COL6A5: variants seen among roughly 807,000 people sequenced by gnomAD.
COL6A5 encodes collagen alpha-5(VI) chain.
In COL6A5, 48 loss-of-function variants were observed where a neutral mutation model predicts 65.6. The ratio of observed to expected loss-of-function variants is 0.73; its 90% CI spans 0.58 to 0.93. The LOEUF is 0.93. Among genes scored for constraint, COL6A5 ranks in the 40% least tolerant of loss-of-function variants. The pLI is 0.00. For synonymous variants in COL6A5, 291 were observed against 322.8 expected, an observed-to-expected ratio of 0.90 and a Z score of 1.05; for missense variants, 914 against 928.3, an observed-to-expected ratio of 0.98 and a Z score of 0.20.
intron 1 of COL6A5, among the ~76,000 whole-genome samples, chr3:130,348,099 A>G (rs1934568188): frequency 1.3e-5 from 2 of 152,186 alleles, no homozygotes; most frequent in South Asian, 2.1e-4. Context: ...TCTCCAAGGA[A>G]CCATTCTTTT....
At chr3:130,460,092 A>G (rs116051979) in intron 5 of COL6A5, among the ~76,000 whole-genome samples, 484 of 152,246 alleles carry the variant, frequency 3.2e-3, no homozygotes, top group Non-Finnish European at 4.6e-3. Flanking sequence ...GGCTAAATTT[A>G]AATCTGCACT....
At chr3:130,362,252 T>TCTCTCTCTCTCTCTCTCTC (rs1935135834) in intron 1 of COL6A5, among the ~76,000 whole-genome samples, 2 of 114,352 alleles carry the variant, frequency 1.7e-5, no homozygotes, top group African/African-American at 7.1e-5. Context: ...TAAGGTTTCT[T>TCTCTCTCTCTCTCTCTCTC]TCTCTCTCTC....
intron 7 of COL6A5, among the ~76,000 whole-genome samples, chr3:130,480,270 A>G (rs1038667801): frequency 4.6e-5 from 7 of 152,038 alleles, no homozygotes; most frequent in Non-Finnish European, 8.8e-5. Flanking sequence ...CAAAATTTAA[A>G]TATATATGTT....
intron 3 of COL6A5, 51 bp downstream of exon 3, chr3:130,376,887 T>A: frequency 2.7e-6 from 4 of 1,508,064 alleles, no homozygotes; most frequent in Non-Finnish European, 3.5e-6. Flanking sequence ...TGGGTCTACA[T>A]CTGTCCACTC....
intron 5 of COL6A5, among the ~76,000 whole-genome samples, chr3:130,464,333 A>T (rs1709767270): frequency 6.6e-6 from 1 of 151,742 alleles, no homozygotes; most frequent in Non-Finnish European, 1.5e-5. Context: ...TGAGTCCACT[A>T]TGTTGCCCAG....
intron 25 of COL6A5, among the ~76,000 whole-genome samples, chr3:130,419,901 G>GA (rs1185405297): frequency 6.6e-6 from 1 of 151,836 alleles, no homozygotes. Context: ...AACAAAAAAA[G>GA]AAAAAAATAG....
intron 1 of COL6A5, among the ~76,000 whole-genome samples, chr3:130,355,589 T>TAC (rs111871748): frequency 4.4e-4 from 66 of 151,312 alleles, no homozygotes; most frequent in South Asian, 6.3e-4. Context: ...AGTAAAATTT[T>TAC]ACACACACAC....
chr3:130,347,233 G>C (rs1321343654), intron 1 of COL6A5, among the ~76,000 whole-genome samples: 1 of 152,078 alleles, frequency 6.6e-6, no homozygotes, highest in Non-Finnish European at 1.5e-5. Flanking sequence ...CAGGATGTAA[G>C]GTTTTGATAG....
At chr3:130,440,938 G>C (rs1709167952) in intron 3 of COL6A5, 113 bp downstream of exon 35, 2 of 817,088 alleles carry the variant, frequency 2.4e-6, no homozygotes, top group African/African-American at 1.7e-5. Context: ...TTATGAATTA[G>C]ATGGTGAGAT....
rs373797412 is a variant in COL6A5 at position 130,401,111 on chromosome 3, G to A, written c.4072G>A (p.Asp1358Asn). 1.9e-5 allele frequency: 29 copies of A among 1,550,922 alleles called. 1 individual carries two copies. The highest frequency in any genetic ancestry group is 1.2e-4 in the East Asian group (5 of 40,886). The stretch of plus-strand genomic sequence containing the variant: ...TAGCTTTGAATTTGGAAAAAGATTC[G>A]ATTACAGGACTCATCTGACTATTGG... The change falls in exon 11 of 42, where the codon GAT (aspartate) becomes AAT (asparagine). Residue 1358 changes from aspartate to asparagine, a missense_variant and NMD_transcript_variant. Transcript: ENST00000312481.
chr3:130,409,445 C>A, intron 18 of COL6A5, 57 bp downstream of exon 18: 2 of 1,404,612 alleles, frequency 1.4e-6, no homozygotes, highest in Non-Finnish European at 9.7e-7. Flanking sequence ...CAGTTCCTAT[C>A]TCCTTTCCCT....
At chr3:130,362,623 G>T (rs1935184968) in intron 1 of COL6A5, among the ~76,000 whole-genome samples, 1 of 151,888 alleles carries the variant, frequency 6.6e-6, no homozygotes, top group African/African-American at 2.4e-5. Flanking sequence ...TGAGTCTTTT[G>T]CCTCTTCATA....
At chr3:130,408,039 T>C (rs945729887) in intron 17 of COL6A5, among the ~76,000 whole-genome samples, 1 of 152,068 alleles carries the variant, frequency 6.6e-6, no homozygotes, top group African/African-American at 2.4e-5. Context: ...TCTGCACAAA[T>C]TGTTTGTAAA....
intron 1 of COL6A5, among the ~76,000 whole-genome samples, chr3:130,361,523 A>C (rs1935105918): frequency 6.6e-6 from 1 of 152,100 alleles, no homozygotes; most frequent in African/African-American, 2.4e-5. Flanking sequence ...AATTATCAAT[A>C]AGGCTGAACA....
chr3:130,379,815 T>C, exon 4 of COL6A5: 5 of 1,551,398 alleles, frequency 3.2e-6, no homozygotes, highest in Non-Finnish European at 4.4e-6. Flanking sequence ...ATGAGGTGCA[T>C]GATGCTGCGC....
In COL6A5 at chr3:130,401,183, T is replaced by G. The variant is rs181508978; in HGVS notation, c.4134+10T>G. 4,688 of 1,528,946 alleles carry G rather than the reference T, an allele frequency of 3.1e-3. 11 individuals are homozygous for G. Among genetic ancestry groups the G allele is most frequent in the Non-Finnish European group, 3.9e-3 (4,402 of 1,139,014 alleles). 94.7% of individuals were successfully genotyped at this position (1,528,946 alleles called of 1,614,324 possible). ...ACTATCACAGTACCTGGTGAGTTGT[T>G]GAACAAAATCCCCGGTTGTTCAAAA... On this transcript the variant is annotated intron_variant and NMD_transcript_variant, in intron 11 of 41. Transcript: ENST00000312481.
exon 4 of COL6A5, chr3:130,379,902 A>C: frequency 6.4e-7 from 1 of 1,551,394 alleles, no homozygotes; most frequent in Non-Finnish European, 8.7e-7. Flanking sequence ...TAGAAGAAAT[A>C]GTGTCTTATC....
intron 4 of COL6A5, among the ~76,000 whole-genome samples, chr3:130,446,884 GT>G: frequency 6.6e-6 from 1 of 152,276 alleles, no homozygotes; most frequent in South Asian, 2.1e-4. Context: ...TTTGGCTGCA[GT>G]TAGAGTATTA....
chr3:130,364,415 C>A (rs1270176466), intron 1 of COL6A5, among the ~76,000 whole-genome samples: 2 of 152,106 alleles, frequency 1.3e-5, no homozygotes, highest in Admixed American at 6.6e-5. Flanking sequence ...AAACATGGTA[C>A]CTTCTCTCAA....
Sources: allele counts gnomAD v4.1 joint callset (sites outside exome capture counted in the v4.1 genomes callset), GRCh38; gene constraint gnomAD v4.1.1; transcripts MANE v1.5; gene names NCBI Gene and HGNC (gene_info 2026-07-23, HGNC 2026-07-21).